CASD1: variants seen among roughly 807,000 people sequenced by gnomAD.
CASD1 encodes the protein N-acetylneuraminate (7)9-O-acetyltransferase.
In CASD1, 41 loss-of-function variants were observed where a neutral mutation model predicts 100.0. That is an observed-to-expected ratio of 0.41 (90% CI 0.32 to 0.53). CASD1 has a LOEUF of 0.53. CASD1 is among the 20% of genes least tolerant of loss of function. CASD1 has a pLI of 0.25. For missense variants in CASD1, 774 were observed against 948.7 expected, an observed-to-expected ratio of 0.82 and a Z score of 2.42; for synonymous variants, 321 against 315.6, an observed-to-expected ratio of 1.02 and a Z score of -0.18.
At chr7:94,550,068 A>G (rs1437407072) in intron 14 of CASD1, among the ~76,000 whole-genome samples, 1 of 152,096 alleles carries the variant, frequency 6.6e-6, no homozygotes, top group Non-Finnish European at 1.5e-5. Flanking sequence ...GATTACTATT[A>G]TAAGAGGCTA....
the CASD1 span, among the ~76,000 whole-genome samples, chr7:94,577,918 C>T: frequency 3.3e-5 from 5 of 152,116 alleles, no homozygotes; most frequent in Non-Finnish European, 5.9e-5. Context: ...AGGAACTCTA[C>T]CTTTGTTCTG....
chr7:94,596,882 A>C, the CASD1 span, among the ~76,000 whole-genome samples: 3 of 152,174 alleles, frequency 2.0e-5, no homozygotes, highest in East Asian at 5.8e-4. Flanking sequence ...TAGGGTAAAC[A>C]ATATCAGAAA....
rs775780459 is a variant in CASD1 at position 94,545,719 on chromosome 7, C to CTAA, written c.1633+20_1633+22dup. On this transcript the variant is annotated intron_variant, in intron 12 of 17. Transcript: ENST00000297273. The stretch of plus-strand genomic sequence containing the variant: ...AGCAAACGGTAAATATACTTTCTTA[C>CTAA]TAATGTTAGTAAATATATTTTTTCA... The CTAA allele has an allele frequency of 1.3e-6, 2 of 1,503,244 alleles. No individual in the cohort carries two copies. The highest frequency in any genetic ancestry group is 3.9e-5 in the Admixed American group (2 of 51,066). The allele number at this position is 1,503,244 out of a possible 1,614,324, so 93.1% of individuals were successfully genotyped here.
chr7:94,594,871 T>G, the CASD1 span, among the ~76,000 whole-genome samples: 1 of 152,144 alleles, frequency 6.6e-6, no homozygotes, highest in East Asian at 1.9e-4. Context: ...CTCTGTAATT[T>G]GAAAAGCAAA....
chr7:94,591,804 G>A, the CASD1 span, among the ~76,000 whole-genome samples: 1 of 152,142 alleles, frequency 6.6e-6, no homozygotes, highest in Admixed American at 6.5e-5. Flanking sequence ...GACATGGCTG[G>A]TTGAGAAAAA....
Position 94,527,348 on chromosome 7 carries a change from A to T in CASD1, c.396+142A>T, listed in dbSNP as rs1009773106. 2.1e-5 allele frequency: 13 copies of T among 611,518 alleles called. No homozygotes were observed. The African/African-American group carries it at 2.3e-4, about 11-fold the overall frequency. The allele number at this position is 611,518 out of a possible 1,614,324, so 37.9% of individuals were successfully genotyped here. On this transcript the variant is annotated intron_variant, in intron 4 of 17. Transcript: ENST00000297273. The stretch of plus-strand genomic sequence containing the variant: ...AGTGGAATAAAAGTTTGTGTGAGTT[A>T]TTTTATGTAATGGTCTCAAAATTTT...
chr7:94,550,915 A>G (rs1795916144), intron 14 of CASD1, among the ~76,000 whole-genome samples: 1 of 152,082 alleles, frequency 6.6e-6, no homozygotes, highest in Non-Finnish European at 1.5e-5. Flanking sequence ...ATGAGCGTAC[A>G]CTTCTTTTCA....
intron 8 of CASD1, among the ~76,000 whole-genome samples, chr7:94,535,828 C>T (rs571446472): frequency 6.6e-6 from 1 of 152,186 alleles, no homozygotes; most frequent in Non-Finnish European, 1.5e-5. Context: ...ATGTTCTCAG[C>T]ACACTCACAT....
At chr7:94,598,081 G>A in the CASD1 span, 1 of 156,198 alleles carries the variant, frequency 6.4e-6, no homozygotes, top group Non-Finnish European at 1.4e-5. Flanking sequence ...ATATAAAAAT[G>A]TGGCCACTAG....
intron 8 of CASD1, among the ~76,000 whole-genome samples, chr7:94,535,984 T>G (rs983438670): frequency 3.9e-5 from 6 of 152,240 alleles, no homozygotes; most frequent in Non-Finnish European, 8.8e-5. Context: ...GGCTCATGCC[T>G]GTAATCCCAG....
chr7:94,552,782 C>G (rs1325142886), intron 16 of CASD1, among the ~76,000 whole-genome samples: 1 of 151,962 alleles, frequency 6.6e-6, no homozygotes, highest in South Asian at 2.1e-4. Context: ...ACTAAAAATA[C>G]AAAAATTAGC....
At chr7:94,537,130 A>G (rs774764744) in intron 8 of CASD1, among the ~76,000 whole-genome samples, 1 of 151,916 alleles carries the variant, frequency 6.6e-6, no homozygotes, top group African/African-American at 2.4e-5. Context: ...ATTAACAACC[A>G]TGAAATTGGT....
the CASD1 span, among the ~76,000 whole-genome samples, chr7:94,611,038 A>G: frequency 6.6e-6 from 1 of 152,206 alleles, no homozygotes. Context: ...GAACTCTCCT[A>G]TTTTGCTGGT....
chr7:94,541,178 A>C (rs1034023812), intron 10 of CASD1, among the ~76,000 whole-genome samples: 1 of 152,070 alleles, frequency 6.6e-6, no homozygotes, highest in African/African-American at 2.4e-5. Flanking sequence ...CTATATCTAC[A>C]TAGGCAAAAC....
chr7:94,541,254 C>G (rs556321795), intron 10 of CASD1, among the ~76,000 whole-genome samples: 1 of 151,716 alleles, frequency 6.6e-6, no homozygotes, highest in Non-Finnish European at 1.5e-5. Context: ...AGGGATTACT[C>G]GTACTAAAAA....
intron 10 of CASD1, among the ~76,000 whole-genome samples, chr7:94,542,445 A>G (rs1438976234): frequency 6.6e-6 from 1 of 152,204 alleles, no homozygotes; most frequent in East Asian, 1.9e-4. Context: ...AAAATATCTC[A>G]TGTTGAAATA....
At position 94,537,479 on chromosome 7, in the gene CASD1, T is replaced by G; in HGVS notation, c.851T>G (p.Met284Arg). 1 of 1,601,840 alleles carries G rather than the reference T, an allele frequency of 6.2e-7. No individual in the cohort carries two copies. Among genetic ancestry groups the G allele is most frequent in the Non-Finnish European group, 8.5e-7 (1 of 1,175,092 alleles). The change falls in exon 9 of 18, where the codon ATG becomes AGG. Residue 284 changes from methionine to arginine, a missense_variant. Coordinates refer to ENST00000297273, the MANE Select transcript of CASD1 (RefSeq NM_022900.5). ...AACTTGATTTGTTCACAGACTGCAATGATTCTTATGAATGTGTATTGCAAT... is the reference window on the plus strand; with the variant it reads ...AACTTGATTTGTTCACAGACTGCAAGGATTCTTATGAATGTGTATTGCAAT... ...LPESSRETTA[M>R]ILMNVYCNKI... is the part of the protein sequence containing the mutation.
the CASD1 span, among the ~76,000 whole-genome samples, chr7:94,609,188 A>G: frequency 6.6e-6 from 1 of 152,234 alleles, no homozygotes; most frequent in Admixed American, 6.5e-5. Flanking sequence ...TATCCAAAAT[A>G]TACAAAAAAC....
chr7:94,518,335 C>A lies in CASD1; in HGVS notation c.351+12C>A. 6.4e-7 allele frequency: 1 copy of A among 1,560,956 alleles called. No homozygotes were observed. Among genetic ancestry groups the A allele is most frequent in the Non-Finnish European group, 8.7e-7 (1 of 1,150,232 alleles). The stretch of plus-strand genomic sequence containing the variant: ...AAGAAGGAAATAAGGTAAAACTTGT[C>A]TATTCCCTTCTGTAGAGTGTTTTAG... On this transcript the variant is annotated intron_variant, in intron 3 of 17. Transcript: ENST00000297273.
Sources: allele counts gnomAD v4.1 joint callset (sites outside exome capture counted in the v4.1 genomes callset), GRCh38; gene constraint gnomAD v4.1.1; transcripts MANE v1.5; gene names NCBI Gene and HGNC (gene_info 2026-07-23, HGNC 2026-07-21).